Variants in ADCYAP1R1 observed in about 807,000 individuals in gnomAD.
ADCYAP1R1 encodes pituitary adenylate cyclase-activating polypeptide type I receptor.
ADCYAP1R1 carries 44 observed loss-of-function variants against 67.6 expected under a neutral mutation model. The observed-to-expected ratio is 0.65, with a 90% CI of 0.51 to 0.84. The LOEUF (loss-of-function observed/expected upper bound fraction) is 0.84, where lower values mean the gene tolerates loss of function less well. Ranked by LOEUF, ADCYAP1R1 falls within the 40% of genes least tolerant of loss-of-function variation. ADCYAP1R1 has a pLI of 0.00. For missense variants in ADCYAP1R1, 477 were observed against 587.9 expected (o/e 0.81, Z 1.95); for synonymous variants, 222 against 219.6 (o/e 1.01, Z -0.10).
rs754777696 is a variant in ADCYAP1R1 at position 31,078,108 on chromosome 7, G to A, written c.265+10G>A. ...TTCAACCCAGACCAAGGTGGGTTTA[G>A]CCCAGTCTCTTTAGGCCACGCTGGC... is the stretch of plus-strand genomic sequence containing the variant. On this transcript the variant is annotated intron_variant, in intron 4 of 15. Transcript: ENST00000304166. 1 of 1,602,898 alleles carries A rather than the reference G, an allele frequency of 6.2e-7. No homozygotes were observed. The highest frequency in any genetic ancestry group is 1.1e-5 in the South Asian group (1 of 88,804).
rs1002798215 is a variant in ADCYAP1R1, at chr7:31,102,182, G to A, written c.1047-1055G>A. Among the ~76,000 whole-genome samples the A allele has an allele frequency of 6.6e-6, 1 of 152,204 alleles. No homozygotes were observed. Among genetic ancestry groups the A allele is most frequent in the Non-Finnish European group, 1.5e-5 (1 of 68,032 alleles). On this transcript the variant is annotated intron_variant, in intron 13 of 15. Coordinates refer to ENST00000304166, the MANE Select transcript of ADCYAP1R1 (RefSeq NM_001118.5). The surrounding 1 kb of genome is among the most constrained non-coding windows in gnomAD (Gnocchi z 4.3). ...ATGGTGTAATTGCCCCAAATCAAAC[G>A]ACTGCCTCATGCCTGCTGTCCACCC...
chr7:31,059,925 T>A (rs562328510), intron 1 of ADCYAP1R1, among the ~76,000 whole-genome samples: 1 of 133,808 alleles, frequency 7.5e-6, no homozygotes, highest in East Asian at 2.1e-4. Flanking sequence ...TGTGTCCAGT[T>A]GGGCAGGGGG....
chr7:31,058,533 C>T (rs1446643394), intron 1 of ADCYAP1R1, among the ~76,000 whole-genome samples: 1 of 152,174 alleles, frequency 6.6e-6, no homozygotes, highest in East Asian at 1.9e-4. Context: ...GGCAAGCCTC[C>T]AGGCTCTATA....
intron 4 of ADCYAP1R1, among the ~76,000 whole-genome samples, chr7:31,080,382 C>T (rs1347456982): frequency 6.6e-6 from 1 of 152,112 alleles, no homozygotes; most frequent in Admixed American, 6.5e-5. Flanking sequence ...TGTGGGAGCA[C>T]GGATCTCCCT....
At chr7:31,064,778 T>G in intron 2 of ADCYAP1R1, 53 bp from the exon 3 acceptor site, 1 of 1,441,622 alleles carries the variant, frequency 6.9e-7, no homozygotes, top group Middle Eastern at 1.7e-4. Context: ...GTAGGAGAGC[T>G]TACAGATGGG....
intron 3 of ADCYAP1R1, 143 bp from the exon 4 acceptor site, chr7:31,077,848 T>C (rs535272618): frequency 4.2e-4 from 225 of 541,956 alleles, no homozygotes; most frequent in South Asian, 2.7e-3. Flanking sequence ...GTTGTGTGTG[T>C]GTTGTGTGTG....
chr7:31,081,308 G>A (rs1412170291), intron 5 of ADCYAP1R1, among the ~76,000 whole-genome samples: 2 of 152,118 alleles, frequency 1.3e-5, no homozygotes, highest in African/African-American at 4.8e-5. Context: ...GAGGTGGAGG[G>A]TCGAGCACCA....
At chr7:31,087,575 C>T in intron 11 of ADCYAP1R1, 52 bp from the exon 12 acceptor site, 2 of 1,563,652 alleles carry the variant, frequency 1.3e-6, no homozygotes, top group Non-Finnish European at 8.8e-7. Flanking sequence ...CCGCAGGCTT[C>T]TATGCTGCCG....
Position 31,052,368 on chromosome 7 carries a change from A to T in ADCYAP1R1, c.-382A>T, listed in dbSNP as rs1258827685. 2.0e-5 allele frequency: 3 copies of T among 151,784 alleles called. 1 individual carries two copies. In the East Asian group the frequency reaches 5.8e-4, roughly 30 times the overall value. The allele number at this position is 151,784 out of a possible 1,614,324, so 9.4% of individuals were successfully genotyped here. A position where few individuals can be genotyped will look rare whatever the true frequency, so the allele number is the denominator to read the frequency against. On this transcript the variant is annotated 5_prime_UTR_variant, in exon 1 of 16. Coordinates refer to ENST00000304166, the MANE Select transcript of ADCYAP1R1 (RefSeq NM_001118.5). Reference sequence around the variant, plus strand: ...AGGCGGCGCCTCTCCCGCAGGACGGAGCCAAGCTGGACTGCCGCGCCGCGC... The same window carrying T: ...AGGCGGCGCCTCTCCCGCAGGACGGTGCCAAGCTGGACTGCCGCGCCGCGC...
intron 1 of ADCYAP1R1, among the ~76,000 whole-genome samples, chr7:31,056,304 C>T (rs1473101625): frequency 2.6e-5 from 4 of 152,124 alleles, no homozygotes; most frequent in Non-Finnish European, 1.5e-5. Flanking sequence ...CATCCCAGCT[C>T]TCCGCAGACT....
intron 1 of ADCYAP1R1, chr7:31,057,194 C>G (rs989449154): frequency 1.3e-5 from 2 of 152,518 alleles, no homozygotes; most frequent in Non-Finnish European, 2.9e-5. Context: ...CTCATTCGCT[C>G]CGTCCTTTCC....
intron 13 of ADCYAP1R1, among the ~76,000 whole-genome samples, chr7:31,095,216 A>G (rs149031995): frequency 3.3e-5 from 5 of 152,338 alleles, no homozygotes; most frequent in Admixed American, 2.0e-4. Flanking sequence ...TAGAATCACC[A>G]TGTTACAGCT....
chr7:31,069,972 C>A (rs956907993), intron 3 of ADCYAP1R1, among the ~76,000 whole-genome samples: 1 of 152,174 alleles, frequency 6.6e-6, no homozygotes, highest in Non-Finnish European at 1.5e-5. Context: ...GGGATTTAAG[C>A]CAATACCAAG....
intron 1 of ADCYAP1R1, among the ~76,000 whole-genome samples, chr7:31,059,694 A>G (rs983153110): frequency 1.3e-5 from 2 of 152,100 alleles, no homozygotes; most frequent in African/African-American, 4.8e-5. Context: ...GCAGAGAAGC[A>G]CTTGGTTTGG....
intron 2 of ADCYAP1R1, among the ~76,000 whole-genome samples, chr7:31,064,261 AAGAG>A (rs933954975): frequency 3.3e-5 from 5 of 152,190 alleles, no homozygotes; most frequent in African/African-American, 1.2e-4. Flanking sequence ...GTTCCTGGAG[AAGAG>A]AGAAAATGAG....
At chr7:31,097,296 G>T (rs746338739) in intron 13 of ADCYAP1R1, among the ~76,000 whole-genome samples, 1 of 152,180 alleles carries the variant, frequency 6.6e-6, no homozygotes, top group African/African-American at 2.4e-5. Context: ...AGAATTTACC[G>T]CATCAGTCAG....
chr7:31,065,332 G>C (rs1379469023), intron 3 of ADCYAP1R1, among the ~76,000 whole-genome samples: 1 of 152,156 alleles, frequency 6.6e-6, no homozygotes, highest in African/African-American at 2.4e-5. Flanking sequence ...GGAAACGTGG[G>C]GTCCTTTCCC....
chr7:31,073,773 C>T (rs1795087459), intron 3 of ADCYAP1R1, among the ~76,000 whole-genome samples: 1 of 152,150 alleles, frequency 6.6e-6, no homozygotes, highest in African/African-American at 2.4e-5. Context: ...CTTGAGACCC[C>T]AGCAATGCAG....
chr7:31,086,622 T>C lies in ADCYAP1R1; in HGVS notation c.823+85T>C. 1 of 1,541,428 alleles carries C rather than the reference T, an allele frequency of 6.5e-7. No individual in the cohort carries two copies. The highest frequency in any genetic ancestry group is 1.2e-5 in the South Asian group (1 of 83,310). ...TGTCTTTGGTTCCATCTTCAGGAAG[T>C]GTCAGGTGAGGAGGGGCCACTGCCC... On this transcript the variant is annotated intron_variant, in intron 10 of 15. Coordinates refer to ENST00000304166, the MANE Select transcript of ADCYAP1R1 (RefSeq NM_001118.5). This position sits in a 1 kb window ranked among gnomAD's most constrained non-coding sequence, Gnocchi z 5.0.
Sources: gnomAD v4.1 joint callset for allele counts (sites outside exome capture counted in the v4.1 genomes callset) on GRCh38, gnomAD v4.1.1 for gene constraint, Gnocchi (gnomAD v3.1) non-coding constraint, MANE v1.5 for transcripts, NCBI Gene and HGNC (gene_info 2026-07-23, HGNC 2026-07-21) for gene names.